PRKCA: variants seen among roughly 807,000 people sequenced by gnomAD.
The protein encoded by PRKCA is protein kinase C alpha type.
In PRKCA, 27 loss-of-function variants were observed where a neutral mutation model predicts 87.0. The ratio of observed to expected loss-of-function variants is 0.31; its 90% CI spans 0.23 to 0.43. The LOEUF (loss-of-function observed/expected upper bound fraction) is 0.43. Among genes scored for constraint, PRKCA ranks in the 20% least tolerant of loss-of-function variants. PRKCA has a pLI of 1.00. For missense variants in PRKCA, 518 were observed against 852.3 expected (o/e 0.61, Z 4.88); for synonymous variants, 329 against 311.1 (o/e 1.06, Z -0.61).
At chr17:66,532,305 C>G (rs1052628788) in intron 3 of PRKCA, among the ~76,000 whole-genome samples, 7 of 146,182 alleles carry the variant, frequency 4.8e-5, no homozygotes, top group Admixed American at 2.7e-4. Context: ...CCTCCCCCCC[C>G]ACCCCCACCC....
intron 3 of PRKCA, among the ~76,000 whole-genome samples, chr17:66,602,935 G>A (rs541574165): frequency 1.3e-5 from 2 of 152,274 alleles, no homozygotes; most frequent in East Asian, 3.9e-4. Context: ...GAGGCGGGAA[G>A]CCCACTAGGA....
At chr17:66,553,187 G>A (rs1470152529) in intron 3 of PRKCA, among the ~76,000 whole-genome samples, 4 of 151,984 alleles carry the variant, frequency 2.6e-5, no homozygotes, top group African/African-American at 7.2e-5. Context: ...TTGCCGTGTT[G>A]CCCAGGCTGG....
chr17:66,447,549 A>G (rs1162839056), intron 2 of PRKCA, among the ~76,000 whole-genome samples: 1 of 152,170 alleles, frequency 6.6e-6, no homozygotes, highest in Non-Finnish European at 1.5e-5. Flanking sequence ...TGGGGGAGTG[A>G]GTTGTTAAAA....
chr17:66,460,941 C>T (rs747948845), intron 2 of PRKCA, among the ~76,000 whole-genome samples: 2 of 152,168 alleles, frequency 1.3e-5, no homozygotes, highest in African/African-American at 4.8e-5. Flanking sequence ...CATGATGGCT[C>T]ACGCCTGTAA....
At chr17:66,351,116 G>T (rs942354814) in intron 2 of PRKCA, among the ~76,000 whole-genome samples, 2 of 152,242 alleles carry the variant, frequency 1.3e-5, no homozygotes, top group Non-Finnish European at 2.9e-5. Flanking sequence ...ATTCCCCATC[G>T]TGTGGTGCTG....
intron 2 of PRKCA, among the ~76,000 whole-genome samples, chr17:66,383,745 G>A (rs916171100): frequency 6.6e-6 from 1 of 152,044 alleles, no homozygotes; most frequent in Non-Finnish European, 1.5e-5. Flanking sequence ...TTGAGGTCAG[G>A]AGTTCAAAAC....
chr17:66,584,982 G>C (rs1038629493), intron 3 of PRKCA, among the ~76,000 whole-genome samples: 1 of 151,930 alleles, frequency 6.6e-6, no homozygotes, highest in African/African-American at 2.4e-5. Flanking sequence ...TAATAGGCAA[G>C]AGAAAGAGGA....
At chr17:66,514,519 G>T (rs188159832) in intron 3 of PRKCA, among the ~76,000 whole-genome samples, 134 of 152,214 alleles carry the variant, frequency 8.8e-4, no homozygotes, top group Middle Eastern at 3.4e-3. Flanking sequence ...TAGGAGGCTC[G>T]CTCTCCTCAT....
At chr17:66,683,815 G>C (rs1972555441) in intron 5 of PRKCA, among the ~76,000 whole-genome samples, 4 of 152,084 alleles carry the variant, frequency 2.6e-5, no homozygotes. Flanking sequence ...GGCCAGACTG[G>C]TCTCAAACTC....
chr17:66,768,613 G>A (rs1004084773), intron 13 of PRKCA, among the ~76,000 whole-genome samples: 1 of 152,200 alleles, frequency 6.6e-6, no homozygotes, highest in African/African-American at 2.4e-5. Flanking sequence ...AAGGCAGAGG[G>A]GAAGTAAGCA....
intron 2 of PRKCA, chr17:66,415,718 G>C (rs1289282118): frequency 6.6e-6 from 1 of 151,844 alleles, no homozygotes; most frequent in African/African-American, 2.4e-5. Flanking sequence ...CCTGGGGTCT[G>C]TTGGTTTCTG....
At chr17:66,465,907 A>C (rs972080132) in intron 2 of PRKCA, among the ~76,000 whole-genome samples, 1 of 151,564 alleles carries the variant, frequency 6.6e-6, no homozygotes, top group Non-Finnish European at 1.5e-5. Flanking sequence ...GTAAGATTTG[A>C]CTTTTTTTTT....
intron 2 of PRKCA, among the ~76,000 whole-genome samples, chr17:66,420,400 G>A (rs1912421837): frequency 6.6e-6 from 1 of 152,082 alleles, no homozygotes; most frequent in Non-Finnish European, 1.5e-5. Flanking sequence ...AACTTAGCAT[G>A]GTTTGGCTTA....
intron 2 of PRKCA, among the ~76,000 whole-genome samples, chr17:66,442,143 C>A (rs1424910171): frequency 6.6e-6 from 1 of 151,702 alleles, no homozygotes; most frequent in Non-Finnish European, 1.5e-5. Flanking sequence ...CTGACTGTGA[C>A]CTCTGCCTCC....
At chr17:66,637,589 TGA>T (rs112592976) in intron 3 of PRKCA, among the ~76,000 whole-genome samples, 1 of 152,172 alleles carries the variant, frequency 6.6e-6, no homozygotes, top group African/African-American at 2.4e-5. Context: ...TCTCACACCC[TGA>T]GAGAAACATT....
At chr17:66,621,672 C>T (rs1000852793) in intron 3 of PRKCA, among the ~76,000 whole-genome samples, 3 of 152,258 alleles carry the variant, frequency 2.0e-5, no homozygotes, top group Non-Finnish European at 4.4e-5. Context: ...ATCCCTGTTA[C>T]TGATCTGGTG....
chr17:66,459,750 T>G (rs1281979039), intron 2 of PRKCA, among the ~76,000 whole-genome samples: 1 of 152,214 alleles, frequency 6.6e-6, no homozygotes, highest in Non-Finnish European at 1.5e-5. Flanking sequence ...AAGTAAGTAA[T>G]TATTTTGGGG....
intron 3 of PRKCA, among the ~76,000 whole-genome samples, chr17:66,576,742 TC>T (rs1969247482): frequency 6.6e-6 from 1 of 152,182 alleles, no homozygotes; most frequent in Admixed American, 6.5e-5. Flanking sequence ...TGTGGCCTGT[TC>T]CTGTCTCCTG....
chr17:66,413,047 C>T (rs181180113), intron 2 of PRKCA, among the ~76,000 whole-genome samples: 226 of 151,850 alleles, frequency 1.5e-3, no homozygotes, highest in Middle Eastern at 3.4e-3. Context: ...TCAGTTCTGA[C>T]GCTGCCCACC....
Sources: gnomAD v4.1 joint callset for allele counts (sites outside exome capture counted in the v4.1 genomes callset) on GRCh38, gnomAD v4.1.1 for gene constraint, MANE v1.5 for transcripts, NCBI Gene and HGNC (gene_info 2026-07-23, HGNC 2026-07-21) for gene names.